Variants in PIK3CB observed in about 807,000 individuals in gnomAD.
PIK3CB encodes phosphatidylinositol 4,5-bisphosphate 3-kinase catalytic subunit beta isoform.
A neutral mutation model predicts 136.8 loss-of-function variants in PIK3CB; 39 were observed. The observed-to-expected ratio is 0.29, with a 90% CI of 0.22 to 0.37. The LOEUF (loss-of-function observed/expected upper bound fraction) is 0.37. Among genes scored for constraint, PIK3CB ranks in the 10% least tolerant of loss-of-function variants. The pLI, the probability that PIK3CB is intolerant of heterozygous loss-of-function variation, is 1.00. For synonymous variants in PIK3CB, 428 were observed against 436.6 expected (o/e 0.98, Z 0.25); for missense variants, 868 against 1,275.4 (o/e 0.68, Z 4.87).
At chr3:138,753,059 CA>C (rs533473230) in intron 4 of PIK3CB, among the ~76,000 whole-genome samples, 3 of 149,868 alleles carry the variant, frequency 2.0e-5, no homozygotes, top group Admixed American at 1.3e-4. Context: ...TCCATCTCTA[CA>C]AAAAAAAAGA....
At chr3:138,826,169 G>C (rs142087718) in intron 1 of PIK3CB, 1 of 1,102,092 alleles carries the variant, frequency 9.1e-7, no homozygotes, top group African/African-American at 1.5e-5. Context: ...CTGACAAGCC[G>C]ATGTATGTTG....
At chr3:138,701,932 CTATA>C (rs907264570) in intron 12 of PIK3CB, among the ~76,000 whole-genome samples, 1 of 148,096 alleles carries the variant, frequency 6.8e-6, no homozygotes, top group Non-Finnish European at 1.5e-5. Flanking sequence ...AAAGTAGAAA[CTATA>C]TATATATATA....
At chr3:138,761,809 G>A (rs1230906865) in intron 2 of PIK3CB, among the ~76,000 whole-genome samples, 2 of 151,888 alleles carry the variant, frequency 1.3e-5, no homozygotes, top group East Asian at 1.9e-4. Flanking sequence ...GGGTGGTGGC[G>A]TGTGTCTGTA....
intron 2 of PIK3CB, among the ~76,000 whole-genome samples, chr3:138,788,703 C>T (rs1312703347): frequency 6.7e-6 from 1 of 149,964 alleles, no homozygotes; most frequent in East Asian, 1.9e-4. Flanking sequence ...TGGCTCACCC[C>T]TGTAATCCCA....
chr3:138,719,915 G>A (rs2044691471), intron 8 of PIK3CB, among the ~76,000 whole-genome samples: 1 of 151,982 alleles, frequency 6.6e-6, no homozygotes, highest in East Asian at 1.9e-4. Context: ...AAAAAAGGGG[G>A]GTAGGGGAAG....
At chr3:138,801,463 G>T (rs899283950) in intron 1 of PIK3CB, among the ~76,000 whole-genome samples, 1 of 152,114 alleles carries the variant, frequency 6.6e-6, no homozygotes, top group African/African-American at 2.4e-5. Flanking sequence ...AGGTGCAGTG[G>T]CTCATGCCTG....
intron 1 of PIK3CB, among the ~76,000 whole-genome samples, chr3:138,810,271 A>T (rs1205163591): frequency 6.6e-6 from 1 of 152,042 alleles, no homozygotes; most frequent in Non-Finnish European, 1.5e-5. Flanking sequence ...ATACACCCCC[A>T]TCAAGGAAAG....
At chr3:138,694,719 A>G (rs1042620207) in intron 14 of PIK3CB, 67 bp downstream of exon 14, 2 of 1,524,910 alleles carry the variant, frequency 1.3e-6, no homozygotes, top group Non-Finnish European at 1.8e-6. Flanking sequence ...GACATCAAGG[A>G]GACACCCTCA....
At chr3:138,674,301 C>T (rs2043600467) in intron 19 of PIK3CB, among the ~76,000 whole-genome samples, 1 of 151,954 alleles carries the variant, frequency 6.6e-6, no homozygotes, top group Admixed American at 6.6e-5. Flanking sequence ...AGGGCTAAGG[C>T]ACAGTTCTGA....
intron 19 of PIK3CB, among the ~76,000 whole-genome samples, chr3:138,667,157 C>G (rs541637857): frequency 6.9e-6 from 1 of 144,222 alleles, no homozygotes; most frequent in South Asian, 2.2e-4. Flanking sequence ...TGCAGTAAGC[C>G]GAGATTGCGC....
At chr3:138,700,934 G>A (rs1268665419) in intron 12 of PIK3CB, among the ~76,000 whole-genome samples, 2 of 151,980 alleles carry the variant, frequency 1.3e-5, no homozygotes, top group Non-Finnish European at 2.9e-5. Flanking sequence ...GTCAAAATAC[G>A]CCCCCACAAA....
At chr3:138,677,147 C>A (rs1404959785) in intron 19 of PIK3CB, among the ~76,000 whole-genome samples, 1 of 152,066 alleles carries the variant, frequency 6.6e-6, no homozygotes, top group African/African-American at 2.4e-5. Flanking sequence ...GCAACCTCCC[C>A]TTCCTGGGTT....
At chr3:138,680,144 G>A (rs1467818621) in intron 19 of PIK3CB, among the ~76,000 whole-genome samples, 1 of 152,026 alleles carries the variant, frequency 6.6e-6, no homozygotes, top group African/African-American at 2.4e-5. Flanking sequence ...CAGATCACAA[G>A]GTCAGGAGTT....
At chr3:138,781,539 G>A (rs374057350) in intron 2 of PIK3CB, among the ~76,000 whole-genome samples, 3 of 151,614 alleles carry the variant, frequency 2.0e-5, no homozygotes, top group South Asian at 2.1e-4. Context: ...TGCAAACTCC[G>A]ACTCCCGGGT....
chr3:138,660,044 G>A lies in PIK3CB; in HGVS notation c.2797-2209C>T, dbSNP rs1431549275. 2.0e-5 allele frequency among the ~76,000 whole-genome samples: 3 copies of A among 151,094 alleles called. No homozygotes were observed. The East Asian group carries it at 5.8e-4, about 29-fold the overall frequency. On this transcript the variant is annotated intron_variant, in intron 21 of 23. Transcript: ENST00000674063. ...TACCTCCCTGGACTGAGTCTCTATTGTTTCTGGATCTTCTCTCTATTTATC... is the reference window on the plus strand; with the variant it reads ...TACCTCCCTGGACTGAGTCTCTATTATTTCTGGATCTTCTCTCTATTTATC...
Position 138,691,145 on chromosome 3 carries a change from T to C in PIK3CB, c.1893-2A>G, listed in dbSNP as rs761291065. The C allele has an allele frequency of 6.2e-7, 1 of 1,611,136 alleles. No individual in the cohort carries two copies. Among genetic ancestry groups the C allele is most frequent in the Non-Finnish European group, 8.5e-7 (1 of 1,178,950 alleles). ...AGATATTGAGAAAGTTCTTCATCACTGAAAGAAACAAAAGACACAGTGAGT... is the reference window on the plus strand; with the variant it reads ...AGATATTGAGAAAGTTCTTCATCACCGAAAGAAACAAAAGACACAGTGAGT... On this transcript the variant is annotated splice_acceptor_variant, in intron 14 of 23. Transcript: ENST00000674063. LOFTEE classifies it high-confidence loss of function.
chr3:138,657,607 A>G (rs921217683), intron 22 of PIK3CB, 83 bp downstream of exon 22: 1 of 1,207,844 alleles, frequency 8.3e-7, no homozygotes, highest in African/African-American at 1.5e-5. Context: ...ATCCAAATAT[A>G]TCTCAGCTAA....
chr3:138,733,416 G>A lies in PIK3CB; in HGVS notation c.995C>T (p.Pro332Leu), dbSNP rs1240185281. The A allele has an allele frequency of 1.3e-6, 2 of 1,554,368 alleles. No homozygotes were observed. The highest frequency in any genetic ancestry group is 4.5e-5 in the East Asian group (2 of 44,252). Reference sequence around the variant, plus strand: ...TCCCTTAACCAAGACAATTTGGAAAGGGTTGTTATTTTCCCAAACATGCTG... The same window carrying A: ...TCCCTTAACCAAGACAATTTGGAAAAGGTTGTTATTTTCCCAAACATGCTG... Reference protein sequence around the residue: ...IISHVWENNNPFQIVLVKGNK... With the variant: ...IISHVWENNNLFQIVLVKGNK... Residue 332 changes from proline (P) to leucine (L), a missense_variant, in exon 8 of 24, where the codon CCT becomes CTT. Around this residue, in one of 4 missense-constraint regions of PIK3CB, gnomAD observed 612 missense variants for 801.1 expected, o/e 0.76. Transcript: ENST00000674063.
At chr3:138,728,709 G>C (rs1017679080) in intron 8 of PIK3CB, among the ~76,000 whole-genome samples, 45 of 152,096 alleles carry the variant, frequency 3.0e-4, no homozygotes, top group African/African-American at 9.9e-4. Context: ...GAACCCGGGA[G>C]GGGGAGCTTG....
Sources: gnomAD v4.1 joint callset for allele counts (sites outside exome capture counted in the v4.1 genomes callset) on GRCh38, gnomAD v4.1.1 for gene constraint, gnomAD v4.1.1 regional missense constraint, MANE v1.5 for transcripts, NCBI Gene and HGNC (gene_info 2026-07-23, HGNC 2026-07-21) for gene names.